The following TNFRSF13B variants were observed in gnomAD, a reference collection of about 807,000 sequenced individuals.
TNFRSF13B encodes the protein tumor necrosis factor receptor superfamily member 13B.
A neutral mutation model predicts 24.0 loss-of-function variants in TNFRSF13B; 34 were observed. The ratio of observed to expected loss-of-function variants is 1.41; its 90% CI spans 1.08 to 1.88. The LOEUF (loss-of-function observed/expected upper bound fraction) is 1.88. TNFRSF13B is among the 40% of genes most tolerant of loss of function. The pLI is 0.00. For synonymous variants in TNFRSF13B, 173 were observed against 150.3 expected (o/e 1.15, Z -1.10); for missense variants, 415 against 380.8 (o/e 1.09, Z -0.75).
At chr17:16,952,341 C>T (rs556068381) in intron 2 of TNFRSF13B, 105 bp downstream of exon 2, 208 of 1,544,972 alleles carry the variant, frequency 1.3e-4, no homozygotes, top group Admixed American at 2.7e-4. Context: ...ACATCTCCTC[C>T]TGCCACCCTT....
intron 1 of TNFRSF13B, among the ~76,000 whole-genome samples, chr17:16,962,521 A>G (rs1021744010): frequency 3.3e-5 from 5 of 151,536 alleles, no homozygotes; most frequent in Non-Finnish European, 5.9e-5. Context: ...CCCAAAAAAA[A>G]AGAAAGAAAA....
In TNFRSF13B at chr17:16,940,875, C is replaced by T. The variant is rs1476398389; in HGVS notation, c.446-364G>A. 9 of 1,156,420 alleles carry T rather than the reference C, an allele frequency of 7.8e-6. No homozygotes were observed. In the African/African-American group the frequency reaches 1.3e-4, roughly 16 times the overall value. 71.6% of individuals were successfully genotyped at this position (1,156,420 alleles called of 1,614,324 possible). A position where few individuals can be genotyped will look rare whatever the true frequency, so the allele number is the denominator to read the frequency against. ...GTCTCTGTGCATCCTGAACTGGGCC[C>T]TTCCTCCAAGGAGAAAGCTTCCTGA... On this transcript the variant is annotated intron_variant, in intron 3 of 4. Transcript: ENST00000261652.
At chr17:16,945,433 C>T (rs1002640818) in intron 3 of TNFRSF13B, among the ~76,000 whole-genome samples, 1 of 152,200 alleles carries the variant, frequency 6.6e-6, no homozygotes, top group African/African-American at 2.4e-5. Context: ...AACTTTGGAA[C>T]CCCCAGACTG....
chr17:16,939,406 C>A lies in TNFRSF13B; in HGVS notation c.*141G>T. ...CTCTCTCTCCCTCTGTCTCTCTCTC[C>A]CTCTCTGTCTCCTCTGTTTCTCTCC... On this transcript the variant is annotated 3_prime_UTR_variant, in exon 5 of 5. Transcript: ENST00000261652. 9.8e-7 allele frequency: 1 copy of A among 1,016,428 alleles called. No homozygotes were observed. Among genetic ancestry groups the A allele is most frequent in the Non-Finnish European group, 1.4e-6 (1 of 718,264 alleles). 63.0% of individuals were successfully genotyped at this position (1,016,428 alleles called of 1,614,324 possible). A position where few individuals can be genotyped will look rare whatever the true frequency, so the allele number is the denominator to read the frequency against.
In TNFRSF13B at chr17:16,952,534, C is replaced by T; in HGVS notation, c.111G>A (p.Glu37=). 1 of 1,614,222 alleles carries T rather than the reference C, an allele frequency of 6.2e-7. No homozygotes were observed. The highest frequency in any genetic ancestry group is 1.6e-4 in the Middle Eastern group (1 of 6,062). ...TGVAMRSCPE[E]QYWDPLLGTC... Reference sequence around the variant, plus strand: ...TACCCAGCAGAGGATCCCAGTACTGCTCTTCGGGGCAGGATCTCATAGCCA... The same window carrying T: ...TACCCAGCAGAGGATCCCAGTACTGTTCTTCGGGGCAGGATCTCATAGCCA... Residue 37 remains glutamate, a synonymous_variant, in exon 2 of 5, where the codon GAG becomes GAA. Coordinates refer to ENST00000261652, the MANE Select transcript of TNFRSF13B (RefSeq NM_012452.3).
chr17:16,970,653 A>G (rs984093972), intron 1 of TNFRSF13B, among the ~76,000 whole-genome samples: 1 of 151,298 alleles, frequency 6.6e-6, no homozygotes. Flanking sequence ...GGCTCAGCCA[A>G]GGTCCCAGAG....
intron 3 of TNFRSF13B, 76 bp from the exon 4 acceptor site, chr17:16,940,587 C>T: frequency 6.4e-7 from 1 of 1,553,664 alleles, no homozygotes. Flanking sequence ...ATCCACATCC[C>T]CCCATCCCCC....
At chr17:16,964,264 C>T (rs550860244) in intron 1 of TNFRSF13B, among the ~76,000 whole-genome samples, 1 of 151,968 alleles carries the variant, frequency 6.6e-6, no homozygotes, top group Non-Finnish European at 1.5e-5. Context: ...CTAAGACCCC[C>T]CTGCCTGCTC....
rs2087720034 is a variant in TNFRSF13B at position 16,968,323 on chromosome 17, G to A, written c.61+3692C>T. ...TTCCCTACTTCAAAACTTATTGCAA[G>A]GCAATGCTAATTAAGATAGGGTGGT... On this transcript the variant is annotated intron_variant, in intron 1 of 4. Transcript: ENST00000261652. 2.0e-5 allele frequency among the ~76,000 whole-genome samples: 3 copies of A among 152,300 alleles called. No individual in the cohort carries two copies. In the South Asian group the frequency reaches 6.2e-4, roughly 32 times the overall value.
intron 3 of TNFRSF13B, among the ~76,000 whole-genome samples, chr17:16,945,577 C>G (rs1487249095): frequency 1.3e-5 from 2 of 152,154 alleles, no homozygotes; most frequent in African/African-American, 2.4e-5. Flanking sequence ...CAGAGGTGGG[C>G]AATGTTCCAG....
rs797020481 is a variant in TNFRSF13B, at chr17:16,967,781, GA to G, written c.61+4233del. Reference sequence around the variant, plus strand: ...AAAAAAAAAAAAAAAAAGAAAGAAAGAAAAAAAAAAGAAACCAAACACACTA... The same window carrying G: ...AAAAAAAAAAAAAAAAAGAAAGAAAGAAAAAAAAAGAAACCAAACACACTA... On this transcript the variant is annotated intron_variant, in intron 1 of 4. Coordinates refer to ENST00000261652, the MANE Select transcript of TNFRSF13B (RefSeq NM_012452.3). 1.6e-3 allele frequency among the ~76,000 whole-genome samples: 193 copies of G among 118,428 alleles called. 1 individual carries two copies. Among genetic ancestry groups the G allele is most frequent in the African/African-American group, 4.3e-3 (132 of 30,730 alleles). 77.7% of individuals were successfully genotyped at this position (118,428 alleles called of 152,430 possible).
At chr17:16,970,011 A>G (rs746472323) in intron 1 of TNFRSF13B, among the ~76,000 whole-genome samples, 9 of 152,124 alleles carry the variant, frequency 5.9e-5, no homozygotes, top group Non-Finnish European at 8.8e-5. Context: ...AGACCCATTC[A>G]TTGCCTGGAC....
chr17:16,941,077 A>C, intron 3 of TNFRSF13B: 1 of 583,258 alleles, frequency 1.7e-6, no homozygotes, highest in Non-Finnish European at 2.2e-6. Context: ...ATAATACCAA[A>C]TACAATATAG....
At chr17:16,948,300 C>T (rs574771004) in intron 3 of TNFRSF13B, among the ~76,000 whole-genome samples, 24 of 152,144 alleles carry the variant, frequency 1.6e-4, no homozygotes, top group Non-Finnish European at 2.6e-4. Flanking sequence ...AGCAACATAC[C>T]CATGTAACAA....
Position 16,939,715 on chromosome 17 carries a change from C to T in TNFRSF13B, c.714G>A (p.Arg238=), listed in dbSNP as rs2087493680. 1 of 1,606,630 alleles carries T rather than the reference C, an allele frequency of 6.2e-7. No individual in the cohort carries two copies. The highest frequency in any genetic ancestry group is 2.2e-5 in the East Asian group (1 of 44,752). The change falls in exon 5 of 5, where the codon AGG becomes AGA. Residue 238 remains arginine, a synonymous_variant. Transcript: ENST00000261652. ...ETCSFCFPEC[R]APTQESAVTP... ...TGACTGCGCTCTCCTGCGTGGGCGC[C>T]CTGCACTCAGGGAAGCAGAAGCTGC...
chr17:16,940,410 C>T lies in TNFRSF13B; in HGVS notation c.547G>A (p.Ala183Thr). Reference protein sequence around the residue: ...AVLCCFLVAVACFLKKRGDPC... With the variant: ...AVLCCFLVAVTCFLKKRGDPC... ...TCCCCCCTCTTCTTGAGGAAGCAGG[C>T]CACCGCCACCAGGAAGCAGCAGAGG... The change falls in exon 4 of 5, where the codon GCC becomes ACC. Residue 183 changes from alanine to threonine, a missense_variant. Ala to Thr is a moderately conservative substitution (Grantham distance 58). Coordinates refer to ENST00000261652, the MANE Select transcript of TNFRSF13B (RefSeq NM_012452.3). 6.2e-7 allele frequency: 1 copy of T among 1,614,084 alleles called. No homozygotes were observed. Among genetic ancestry groups the T allele is most frequent in the African/African-American group, 1.3e-5 (1 of 75,048 alleles).
Position 16,940,529 on chromosome 17 carries a change from A to T in TNFRSF13B, c.446-18T>A. On this transcript the variant is annotated intron_variant, in intron 3 of 4. Transcript: ENST00000261652. ...CGGGAGAGCTGCAAGACAGCATGAG[A>T]CCCCTCTCTGCAGTGCCTTCTTCTC... is the stretch of plus-strand genomic sequence containing the variant. The T allele has an allele frequency of 1.2e-6, 2 of 1,610,970 alleles. No individual in the cohort carries two copies. The highest frequency in any genetic ancestry group is 1.7e-6 in the Non-Finnish European group (2 of 1,179,392).
chr17:16,950,131 A>G (rs1332450051), intron 2 of TNFRSF13B, among the ~76,000 whole-genome samples: 2 of 152,252 alleles, frequency 1.3e-5, no homozygotes, highest in Non-Finnish European at 2.9e-5. Flanking sequence ...AATAAAATAT[A>G]TGTGGCTCAC....
chr17:16,946,662 A>C (rs1247113215), intron 3 of TNFRSF13B, among the ~76,000 whole-genome samples: 1 of 150,870 alleles, frequency 6.6e-6, no homozygotes, highest in Non-Finnish European at 1.5e-5. Flanking sequence ...ATCTTGGCTC[A>C]CTGCAACCTT....
Sources: allele counts gnomAD v4.1 joint callset (sites outside exome capture counted in the v4.1 genomes callset), GRCh38; gene constraint gnomAD v4.1.1; transcripts MANE v1.5; gene names NCBI Gene and HGNC (gene_info 2026-07-23, HGNC 2026-07-21).